The following MBOAT1 variants were observed in gnomAD, a reference collection of about 807,000 sequenced individuals.
MBOAT1 encodes membrane bound glycerophospholipid O-acyltransferase 1.
A neutral mutation model predicts 64.4 loss-of-function variants in MBOAT1; 67 were observed. The ratio of observed to expected loss-of-function variants is 1.04; its 90% CI spans 0.85 to 1.27. The LOEUF (loss-of-function observed/expected upper bound fraction) is 1.27, where lower values mean the gene tolerates loss of function less well. Among genes scored for constraint, MBOAT1 ranks in the 50% most tolerant of loss-of-function variants. MBOAT1 has a pLI of 0.00. For synonymous variants in MBOAT1, 229 were observed against 218.9 expected (o/e 1.05, Z -0.41); for missense variants, 563 against 604.6 (o/e 0.93, Z 0.72).
rs146246889 is a variant in MBOAT1 at position 20,102,328 on chromosome 6, C to T, written c.1446G>A (p.Arg482=). Residue 482 remains arginine (R), a synonymous_variant, in exon 13 of 13, where the codon CGG becomes CGA. Transcript: ENST00000324607. ...PMKPQAHTQR[R]PQTLNSINKR... The stretch of plus-strand genomic sequence containing the variant: ...TATTAATAGAGTTCAGAGTCTGAGG[C>T]CGCCTTTGCGTATGAGCTTGTGGTT... The T allele has an allele frequency of 3.7e-6, 6 of 1,613,950 alleles. No homozygotes were observed. Among genetic ancestry groups the T allele is most frequent in the Non-Finnish European group, 4.2e-6 (5 of 1,179,954 alleles).
intron 1 of MBOAT1, among the ~76,000 whole-genome samples, chr6:20,204,369 C>T (rs1763201566): frequency 6.6e-6 from 1 of 152,220 alleles, no homozygotes; most frequent in South Asian, 2.1e-4. Context: ...AGATAACTCA[C>T]TAATCTCTGT....
intron 4 of MBOAT1, among the ~76,000 whole-genome samples, chr6:20,141,102 T>G (rs1761156844): frequency 6.6e-6 from 1 of 152,046 alleles, no homozygotes; most frequent in Non-Finnish European, 1.5e-5. Context: ...TTAAGGAAAG[T>G]GATCTTTGAG....
chr6:20,163,486 C>T (rs994365555), intron 1 of MBOAT1, among the ~76,000 whole-genome samples: 18 of 152,056 alleles, frequency 1.2e-4, no homozygotes, highest in African/African-American at 3.6e-4. Context: ...TTTTGATGTG[C>T]TTTGAGGCTT....
intron 1 of MBOAT1, among the ~76,000 whole-genome samples, chr6:20,184,743 C>A (rs371588431): frequency 6.6e-6 from 1 of 152,060 alleles, no homozygotes; most frequent in Admixed American, 6.6e-5. Context: ...ATCTCTCCCC[C>A]TTTTAGGAAA....
intron 1 of MBOAT1, among the ~76,000 whole-genome samples, chr6:20,200,492 C>A (rs1195963445): frequency 6.6e-6 from 1 of 152,160 alleles, no homozygotes; most frequent in Non-Finnish European, 1.5e-5. Context: ...TAGTCTACTG[C>A]CACCAGGCCA....
At chr6:20,171,126 C>A (rs554573581) in intron 1 of MBOAT1, among the ~76,000 whole-genome samples, 5 of 152,238 alleles carry the variant, frequency 3.3e-5, no homozygotes, top group Admixed American at 6.5e-5. Context: ...CAGGCCTCTA[C>A]CAGACATTGA....
intron 8 of MBOAT1, among the ~76,000 whole-genome samples, chr6:20,120,004 TGC>T (rs1166376071): frequency 2.5e-5 from 2 of 79,374 alleles, no homozygotes; most frequent in Admixed American, 1.7e-4. Flanking sequence ...TGTGTGTGTG[TGC>T]GTGTGTGTGT....
In MBOAT1 at chr6:20,139,690, A is replaced by T. The variant is rs552932293; in HGVS notation, c.419+4530T>A. Among the ~76,000 whole-genome samples, 6 of 150,602 alleles carry T rather than the reference A, an allele frequency of 4.0e-5. No homozygotes were observed. The East Asian group carries it at 1.2e-3, about 30-fold the overall frequency. On this transcript the variant is annotated intron_variant, in intron 4 of 12. Transcript: ENST00000324607. ...CACCTCAGCCTCCTGAATAGCTGGGACTACAGGTACACACCACCACACCCA... is the reference window on the plus strand; with the variant it reads ...CACCTCAGCCTCCTGAATAGCTGGGTCTACAGGTACACACCACCACACCCA...
chr6:20,128,850 CTTTG>C, intron 5 of MBOAT1, 97 bp from the exon 6 acceptor site: 1 of 812,802 alleles, frequency 1.2e-6, no homozygotes, highest in Non-Finnish European at 1.9e-6. Context: ...ACCAGGTAAT[CTTTG>C]TTTGCTTCAT....
intron 1 of MBOAT1, among the ~76,000 whole-genome samples, chr6:20,181,687 G>A (rs780224033): frequency 2.0e-5 from 3 of 152,186 alleles, no homozygotes; most frequent in African/African-American, 7.2e-5. Flanking sequence ...GTGCCCACGC[G>A]TGTGAAACAC....
Position 20,181,676 on chromosome 6 carries a change from G to A in MBOAT1, c.100-28907C>T, listed in dbSNP as rs12055467. Reference sequence around the variant, plus strand: ...GACCACTTACACATAAGGCGGCCTCGGTGCCCACGCGTGTGAAACACACAC... The same window carrying A: ...GACCACTTACACATAAGGCGGCCTCAGTGCCCACGCGTGTGAAACACACAC... On this transcript the variant is annotated intron_variant, in intron 1 of 12. Transcript: ENST00000324607. 2.2e-4 allele frequency among the ~76,000 whole-genome samples: 33 copies of A among 152,296 alleles called. 1 individual carries two copies. The East Asian group carries it at 5.0e-3, about 23-fold the overall frequency.
At chr6:20,152,409 A>C (rs1033592438) in intron 2 of MBOAT1, among the ~76,000 whole-genome samples, 2 of 151,828 alleles carry the variant, frequency 1.3e-5, no homozygotes, top group Non-Finnish European at 2.9e-5. Flanking sequence ...AAAGTGAACT[A>C]TACTGACTTC....
chr6:20,212,055 G>A (rs142830694), intron 1 of MBOAT1, 81 bp downstream of exon 1: 347 of 1,265,054 alleles, frequency 2.7e-4, no homozygotes, highest in Middle Eastern at 1.2e-3. Flanking sequence ...GAGGCGGAGG[G>A]ACGGTGGCTA....
chr6:20,134,399 A>G (rs1760918169), intron 4 of MBOAT1, among the ~76,000 whole-genome samples: 1 of 152,208 alleles, frequency 6.6e-6, no homozygotes, highest in African/African-American at 2.4e-5. Context: ...AATAGAAGCT[A>G]TGGGTAAAAT....
chr6:20,175,572 G>C (rs141039990), intron 1 of MBOAT1, among the ~76,000 whole-genome samples: 1 of 151,596 alleles, frequency 6.6e-6, no homozygotes, highest in African/African-American at 2.4e-5. Flanking sequence ...TCAGCCTCCC[G>C]AGTAGCTGGA....
chr6:20,195,316 T>C (rs1762924004), intron 1 of MBOAT1, among the ~76,000 whole-genome samples: 1 of 152,164 alleles, frequency 6.6e-6, no homozygotes, highest in African/African-American at 2.4e-5. Flanking sequence ...GCTCAGACTG[T>C]TCCAGCTTTG....
At chr6:20,181,947 T>C (rs1762522577) in intron 1 of MBOAT1, among the ~76,000 whole-genome samples, 1 of 152,226 alleles carries the variant, frequency 6.6e-6, no homozygotes, top group Non-Finnish European at 1.5e-5. Context: ...GCCTGGGCTC[T>C]AGAGTCGGAA....
At chr6:20,107,060 C>T (rs976892362) in intron 12 of MBOAT1, among the ~76,000 whole-genome samples, 1 of 152,122 alleles carries the variant, frequency 6.6e-6, no homozygotes, top group Non-Finnish European at 1.5e-5. Flanking sequence ...AATAACTTCT[C>T]CTAAAGAACT....
chr6:20,109,900 G>GA, intron 11 of MBOAT1, 151 bp from the exon 12 acceptor site: 5 of 358,978 alleles, frequency 1.4e-5, no homozygotes, highest in South Asian at 5.8e-5. Context: ...ATACCATCAG[G>GA]ACTTTTTTTT....
Sources: gnomAD v4.1 joint callset for allele counts (sites outside exome capture counted in the v4.1 genomes callset) on GRCh38, gnomAD v4.1.1 for gene constraint, MANE v1.5 for transcripts, NCBI Gene and HGNC (gene_info 2026-07-23, HGNC 2026-07-21) for gene names.